Variants in RRAS2 observed in about 807,000 individuals in gnomAD.
RRAS2 encodes the protein ras-related protein R-Ras2.
In RRAS2, 7 loss-of-function variants were observed where a neutral mutation model predicts 27.6. The observed-to-expected ratio is 0.25, with a 90% CI of 0.14 to 0.48. The LOEUF is 0.48. Ranked by LOEUF, RRAS2 falls within the 20% of genes least tolerant of loss-of-function variation. The probability of loss-of-function intolerance (pLI) is 0.99; values close to 1 mark genes in which losing one functional copy is unlikely to be tolerated. For synonymous variants in RRAS2, 86 were observed against 90.9 expected (o/e 0.95, Z 0.31); for missense variants, 178 against 256.2 (o/e 0.69, Z 2.08).
chr11:14,335,155 T>C (rs1848565298), intron 1 of RRAS2, among the ~76,000 whole-genome samples: 1 of 152,220 alleles, frequency 6.6e-6, no homozygotes, highest in Admixed American at 6.5e-5. Context: ...GTGTCTCTAG[T>C]TCTCCAGTGG....
At chr11:14,341,837 T>C in intron 1 of RRAS2, 1 of 454,562 alleles carries the variant, frequency 2.2e-6, no homozygotes, top group South Asian at 1.6e-5. Flanking sequence ...AAAACATTTG[T>C]AATATGATTG....
chr11:14,301,859 G>C (rs1470698358), intron 1 of RRAS2, among the ~76,000 whole-genome samples: 1 of 152,022 alleles, frequency 6.6e-6, no homozygotes, highest in African/African-American at 2.4e-5. Context: ...GGCACCTGTA[G>C]TCCCAGCTAT....
chr11:14,341,023 C>G (rs146615407), intron 1 of RRAS2, among the ~76,000 whole-genome samples: 8 of 152,106 alleles, frequency 5.3e-5, no homozygotes, highest in African/African-American at 1.7e-4. Context: ...GAACAATGAC[C>G]ACGGCATTTT....
At chr11:14,316,334 GAGAA>G (rs1417129188) in intron 1 of RRAS2, among the ~76,000 whole-genome samples, 1 of 152,210 alleles carries the variant, frequency 6.6e-6, no homozygotes, top group East Asian at 1.9e-4. Context: ...TCAACCAAAA[GAGAA>G]AGACAGAAGG....
intron 1 of RRAS2, among the ~76,000 whole-genome samples, chr11:14,314,691 GTAGT>G (rs1313372532): frequency 2.6e-5 from 4 of 152,066 alleles, no homozygotes; most frequent in African/African-American, 9.7e-5. Context: ...TGGTTTTTTT[GTAGT>G]TTTTGTTTTG....
At chr11:14,283,176 T>C (rs568273326) in intron 4 of RRAS2, among the ~76,000 whole-genome samples, 1 of 152,368 alleles carries the variant, frequency 6.6e-6, no homozygotes, top group Admixed American at 6.5e-5. Context: ...CTGAGATGAT[T>C]ATATGATTTC....
chr11:14,360,913 CAAAAA>C (rs78581800), upstream of RRAS2, among the ~76,000 whole-genome samples: 3 of 94,438 alleles, frequency 3.2e-5, no homozygotes, highest in African/African-American at 3.9e-5. Flanking sequence ...AATGCGGGCT[CAAAAA>C]AAAAAAAAAA....
chr11:14,317,712 G>A (rs542399546), intron 1 of RRAS2, among the ~76,000 whole-genome samples: 2 of 152,216 alleles, frequency 1.3e-5, no homozygotes, highest in Admixed American at 1.3e-4. Context: ...GATGATGAAT[G>A]AACTTACTAG....
At chr11:14,309,292 TAAACTGCTA>T (rs1270036152) in intron 1 of RRAS2, among the ~76,000 whole-genome samples, 1 of 152,190 alleles carries the variant, frequency 6.6e-6, no homozygotes, top group African/African-American at 2.4e-5. Flanking sequence ...GTTCTATTAC[TAAACTGCTA>T]AAACTGCCAC....
intron 1 of RRAS2, among the ~76,000 whole-genome samples, chr11:14,301,753 T>C (rs1554947420): frequency 2.0e-5 from 3 of 152,102 alleles, no homozygotes; most frequent in Non-Finnish European, 4.4e-5. Context: ...CCGAGGCAAG[T>C]GGATCACCTG....
chr11:14,282,411 G>A (rs1022187909), intron 4 of RRAS2, among the ~76,000 whole-genome samples: 2 of 152,242 alleles, frequency 1.3e-5, no homozygotes, highest in Middle Eastern at 3.4e-3. Flanking sequence ...GGAGATCAAG[G>A]AAAGGTGGCA....
At chr11:14,346,354 CCT>C (rs782772625) in intron 1 of RRAS2, among the ~76,000 whole-genome samples, 1 of 152,042 alleles carries the variant, frequency 6.6e-6, no homozygotes, top group African/African-American at 2.4e-5. Context: ...TCATCATTTC[CCT>C]GAGAATACTA....
intron 1 of RRAS2, chr11:14,364,262 GA>G: frequency 1.2e-6 from 1 of 863,484 alleles, no homozygotes; most frequent in South Asian, 1.5e-5. Flanking sequence ...GACAGGATCT[GA>G]GGGTAGAGTG....
chr11:14,354,770 A>G (rs1341280444), intron 1 of RRAS2, among the ~76,000 whole-genome samples: 3 of 135,174 alleles, frequency 2.2e-5, no homozygotes, highest in African/African-American at 8.4e-5. Context: ...TCCACCTCCC[A>G]GGTTCAAGTG....
intron 1 of RRAS2, among the ~76,000 whole-genome samples, chr11:14,332,478 A>G (rs1483676963): frequency 2.0e-5 from 3 of 152,180 alleles, no homozygotes; most frequent in African/African-American, 7.2e-5. Context: ...CTCAAGCCTC[A>G]GCAACAGAAT....
At chr11:14,281,841 G>T in intron 4 of RRAS2, 121 bp from the exon 5 acceptor site, 1 of 772,484 alleles carries the variant, frequency 1.3e-6, no homozygotes, top group Non-Finnish European at 2.1e-6. Context: ...ATCATAAGGT[G>T]AAACAACAGA....
intron 1 of RRAS2, among the ~76,000 whole-genome samples, chr11:14,326,481 C>T (rs1449862736): frequency 6.6e-6 from 1 of 152,068 alleles, no homozygotes; most frequent in Non-Finnish European, 1.5e-5. Flanking sequence ...CTTTCTAACG[C>T]TAATGAAGTT....
chr11:14,312,996 T>C (rs1442899295), intron 1 of RRAS2, among the ~76,000 whole-genome samples: 4 of 152,252 alleles, frequency 2.6e-5, no homozygotes, highest in Non-Finnish European at 5.9e-5. Context: ...AGTCTTACTT[T>C]TGATTACTTA....
intron 1 of RRAS2, among the ~76,000 whole-genome samples, chr11:14,328,243 G>A (rs1848406949): frequency 6.6e-6 from 1 of 151,686 alleles, no homozygotes; most frequent in Non-Finnish European, 1.5e-5. Flanking sequence ...GTGCATGCCT[G>A]TAATCCCAGC....
Sources: allele counts gnomAD v4.1 joint callset (sites outside exome capture counted in the v4.1 genomes callset), GRCh38; gene constraint gnomAD v4.1.1; transcripts MANE v1.5; gene names NCBI Gene and HGNC (gene_info 2026-07-23, HGNC 2026-07-21).